TRIM14: variants seen among roughly 807,000 people sequenced by gnomAD.
The protein encoded by TRIM14 is tripartite motif-containing protein 14.
Under a neutral mutation model 44.5 loss-of-function variants are expected in TRIM14, and 28 were observed. That is an observed-to-expected ratio of 0.63 (90% CI 0.47 to 0.86). TRIM14 has a LOEUF of 0.86. TRIM14 is among the 40% of genes least tolerant of loss of function. The probability of loss-of-function intolerance (pLI) is 0.00; values close to 1 mark genes in which losing one functional copy is unlikely to be tolerated. For missense variants in TRIM14, 607 were observed against 611.1 expected, an observed-to-expected ratio of 0.99 and a Z score of 0.07; for synonymous variants, 299 against 269.2, an observed-to-expected ratio of 1.11 and a Z score of -1.08.
chr9:98,109,361 A>T (rs1826754145), intron 2 of TRIM14, among the ~76,000 whole-genome samples: 1 of 152,076 alleles, frequency 6.6e-6, no homozygotes, highest in Non-Finnish European at 1.5e-5. Flanking sequence ...AAACACAACA[A>T]CTTTGTCATG....
At chr9:98,063,071 T>C in the TRIM14 span, among the ~76,000 whole-genome samples, 1 of 150,734 alleles carries the variant, frequency 6.6e-6, no homozygotes, top group Non-Finnish European at 1.5e-5. Flanking sequence ...CAAGTATGCA[T>C]GCACCACCAG....
chr9:98,067,826 A>G (rs535840817), downstream of TRIM14, among the ~76,000 whole-genome samples: 4 of 133,840 alleles, frequency 3.0e-5, no homozygotes, highest in East Asian at 2.0e-4. Flanking sequence ...AGCTCAAGCA[A>G]TCCTCCCACC....
chr9:98,055,592 G>A, the TRIM14 span, among the ~76,000 whole-genome samples: 13 of 152,148 alleles, frequency 8.5e-5, no homozygotes, highest in African/African-American at 2.9e-4. Flanking sequence ...AATTTGGGGA[G>A]GGTCAGAATC....
the TRIM14 span, chr9:98,057,036 A>G: frequency 1.4e-6 from 2 of 1,410,084 alleles, no homozygotes; most frequent in Non-Finnish European, 1.9e-6. Flanking sequence ...GCGGCTGGGT[A>G]CCCTGGTCCG....
chr9:98,052,854 T>G, the TRIM14 span, among the ~76,000 whole-genome samples: 1 of 152,196 alleles, frequency 6.6e-6, no homozygotes, highest in Non-Finnish European at 1.5e-5. Context: ...ATTTCTGGCT[T>G]TTGAATTCTA....
intron 6 of TRIM14, chr9:98,069,743 G>C (rs1829256157): frequency 6.6e-6 from 1 of 152,310 alleles, no homozygotes; most frequent in Non-Finnish European, 1.5e-5. Flanking sequence ...CCAAAGGTTA[G>C]TAAGGGGAAG....
chr9:98,047,774 C>T, the TRIM14 span, among the ~76,000 whole-genome samples: 1 of 151,884 alleles, frequency 6.6e-6, no homozygotes, highest in Non-Finnish European at 1.5e-5. Context: ...ACCTAGAAAG[C>T]ATGGAAATGA....
chr9:98,111,239 G>A (rs1223171828), intron 1 of TRIM14, among the ~76,000 whole-genome samples: 1 of 152,054 alleles, frequency 6.6e-6, no homozygotes, highest in East Asian at 1.9e-4. Flanking sequence ...AAGTGGGTAT[G>A]TGGATGCAAA....
chr9:98,070,033 C>G (rs993500617), intron 6 of TRIM14, among the ~76,000 whole-genome samples: 1 of 152,200 alleles, frequency 6.6e-6, no homozygotes, highest in South Asian at 2.1e-4. Context: ...TATAGTATCT[C>G]TCTGTGTTCT....
chr9:98,057,259 G>A, the TRIM14 span, among the ~76,000 whole-genome samples: 1 of 152,202 alleles, frequency 6.6e-6, no homozygotes, highest in Non-Finnish European at 1.5e-5. Flanking sequence ...CCTCCTGCCC[G>A]CGGGTAGAGT....
the TRIM14 span, among the ~76,000 whole-genome samples, chr9:98,055,461 C>G: frequency 9.8e-4 from 149 of 152,284 alleles, no homozygotes; most frequent in African/African-American, 3.5e-3. Context: ...TTGGGGGACA[C>G]AAGATCAGAT....
Position 98,084,395 on chromosome 9 carries a change from A to C in TRIM14, c.*3075T>G, listed in dbSNP as rs1479354893. On this transcript the variant is annotated 3_prime_UTR_variant, in exon 6 of 6. Transcript: ENST00000341469. ...CACATTTTATTAAACCAAATATTAG[A>C]AAATTGCTGTCATTTAAAAATATCT... The C allele has an allele frequency of 6.6e-6, 1 of 152,234 alleles. No homozygotes were observed. The highest frequency in any genetic ancestry group is 2.4e-5 in the African/African-American group (1 of 41,448). 9.4% of individuals were successfully genotyped at this position (152,234 alleles called of 1,614,324 possible).
At position 98,087,940 on chromosome 9, in the gene TRIM14, G is replaced by T. The variant is rs1183957555; in HGVS notation, c.859C>A (p.Leu287Met). 13 of 1,566,748 alleles carry T rather than the reference G, an allele frequency of 8.3e-6. No homozygotes were observed. The highest frequency in any genetic ancestry group is 1.1e-5 in the Non-Finnish European group (13 of 1,166,736). Residue 287 changes from leucine (L) to methionine (M), a missense_variant, in exon 6 of 6, where the codon CTG (leucine) becomes ATG (methionine). By Grantham distance (15) the Leu-to-Met change is conservative. Transcript: ENST00000341469. ...HARLRLSADR[L>M]TVRCGLLGSL... The stretch of plus-strand genomic sequence containing the variant: ...CCCAGCAGGCCGCAGCGCACCGTCA[G>T]GCGATCGGCGGACAGGCGCAGGCGC...
At chr9:98,111,054 C>A (rs375157178) in intron 1 of TRIM14, among the ~76,000 whole-genome samples, 2 of 150,896 alleles carry the variant, frequency 1.3e-5, no homozygotes, top group African/African-American at 2.4e-5. Flanking sequence ...CCTGTCCCCC[C>A]CCCCAAAAAA....
At chr9:98,104,421 G>C (rs1243694500) in intron 2 of TRIM14, among the ~76,000 whole-genome samples, 3 of 152,154 alleles carry the variant, frequency 2.0e-5, no homozygotes, top group Non-Finnish European at 4.4e-5. Context: ...GCTATACCTT[G>C]TTCTAACTCT....
downstream of TRIM14, among the ~76,000 whole-genome samples, chr9:98,083,760 A>G (rs944935163): frequency 1.3e-5 from 2 of 152,148 alleles, no homozygotes; most frequent in Admixed American, 1.3e-4. Context: ...CAGTCACACA[A>G]TATGTTAGAA....
At chr9:98,075,742 ATGTT>A (rs1375898362) in intron 6 of TRIM14, 1 of 152,152 alleles carries the variant, frequency 6.6e-6, no homozygotes, top group Non-Finnish European at 1.5e-5. Context: ...GGTGATGTGT[ATGTT>A]TATTACTCTT....
In TRIM14 at chr9:98,098,007, A is replaced by C. The variant is rs568096217; in HGVS notation, c.537+1924T>G. ...GAACCGACTGAGGCCACATAAAGACACAAGAGTGGAAATCCCCAGCTGGAG... is the reference window on the plus strand; with the variant it reads ...GAACCGACTGAGGCCACATAAAGACCCAAGAGTGGAAATCCCCAGCTGGAG... On this transcript the variant is annotated intron_variant, in intron 3 of 5. Transcript: ENST00000341469. 2.6e-5 allele frequency among the ~76,000 whole-genome samples: 4 copies of C among 152,302 alleles called. No homozygotes were observed. The South Asian group carries it at 8.3e-4, about 32-fold the overall frequency.
At chr9:98,106,826 T>TTC (rs201384569) in intron 2 of TRIM14, among the ~76,000 whole-genome samples, 22,408 of 131,322 alleles carry the variant, frequency 0.17, 1,615 homozygotes, top group East Asian at 0.25. Flanking sequence ...TTCTTTCTTC[T>TTC]TTTTTTTTTT....
Sources: gnomAD v4.1 joint callset for allele counts (sites outside exome capture counted in the v4.1 genomes callset) on GRCh38, gnomAD v4.1.1 for gene constraint, MANE v1.5 for transcripts, NCBI Gene and HGNC (gene_info 2026-07-23, HGNC 2026-07-21) for gene names.